The following RIMS4 variants were observed in gnomAD, a reference collection of about 807,000 sequenced individuals.
RIMS4 encodes the protein regulating synaptic membrane exocytosis 4.
RIMS4 carries 9 observed loss-of-function variants against 29.0 expected under a neutral mutation model. That is an observed-to-expected ratio of 0.31 (90% CI 0.19 to 0.54). The LOEUF (loss-of-function observed/expected upper bound fraction) is 0.54. Among genes scored for constraint, RIMS4 ranks in the 20% least tolerant of loss-of-function variants. The pLI is 0.94. For synonymous variants in RIMS4, 130 were observed against 152.9 expected, an observed-to-expected ratio of 0.85 and a Z score of 1.10; for missense variants, 193 against 365.7, an observed-to-expected ratio of 0.53 and a Z score of 3.85.
chr20:44,780,895 G>A (rs557873446), intron 1 of RIMS4, among the ~76,000 whole-genome samples: 24 of 152,316 alleles, frequency 1.6e-4, no homozygotes, highest in African/African-American at 5.1e-4. Flanking sequence ...AAGGATTTGA[G>A]AACCCTAGAG....
At chr20:44,808,720 C>T (rs1426965564) in intron 1 of RIMS4, among the ~76,000 whole-genome samples, 3 of 152,204 alleles carry the variant, frequency 2.0e-5, no homozygotes, top group Non-Finnish European at 2.9e-5. Flanking sequence ...GGGGATCTGC[C>T]TCACCTATCC....
chr20:44,764,123 CATCCATCCATCCATTTAT>C (rs2066099912), intron 2 of RIMS4, among the ~76,000 whole-genome samples: 15 of 151,086 alleles, frequency 9.9e-5, no homozygotes, highest in South Asian at 2.1e-4. Flanking sequence ...TTTATCCATC[CATCCATCCATCCATTTAT>C]GCATCCATTT....
intron 1 of RIMS4, among the ~76,000 whole-genome samples, chr20:44,801,025 G>A (rs2066275495): frequency 6.6e-6 from 1 of 152,144 alleles, no homozygotes; most frequent in South Asian, 2.1e-4. Flanking sequence ...TCTTCTATGT[G>A]TTGTACATAC....
At chr20:44,806,821 AAT>A (rs1168916775) in intron 1 of RIMS4, among the ~76,000 whole-genome samples, 1 of 152,162 alleles carries the variant, frequency 6.6e-6, no homozygotes, top group Non-Finnish European at 1.5e-5. Flanking sequence ...TGGATGAATT[AAT>A]ATGTCTGTGC....
At chr20:44,808,884 G>T (rs2066310480) in intron 1 of RIMS4, among the ~76,000 whole-genome samples, 1 of 152,162 alleles carries the variant, frequency 6.6e-6, no homozygotes, top group South Asian at 2.1e-4. Flanking sequence ...TCCTAAAACC[G>T]TAGGCTACAT....
At chr20:44,802,698 C>A (rs928436353) in intron 1 of RIMS4, among the ~76,000 whole-genome samples, 2 of 152,220 alleles carry the variant, frequency 1.3e-5, no homozygotes, top group African/African-American at 4.8e-5. Context: ...GGCATGAGTT[C>A]TTGGCCTCTC....
At chr20:44,803,258 T>C (rs978290712) in intron 1 of RIMS4, among the ~76,000 whole-genome samples, 1 of 152,166 alleles carries the variant, frequency 6.6e-6, no homozygotes, top group African/African-American at 2.4e-5. Flanking sequence ...AATGAACAAA[T>C]ACCAGAAAAG....
chr20:44,751,924 G>C lies in RIMS4; in HGVS notation c.*4210C>G, dbSNP rs187948313. On this transcript the variant is annotated 3_prime_UTR_variant, in exon 6 of 6. Coordinates refer to ENST00000372851, the MANE Select transcript of RIMS4 (RefSeq NM_182970.4). Reference sequence around the variant, plus strand: ...ACCCTCCCTCCCTAAAGGCCTGGGCGGCTGCTGCTCCAAGAGAGGGAATGA... The same window carrying C: ...ACCCTCCCTCCCTAAAGGCCTGGGCCGCTGCTGCTCCAAGAGAGGGAATGA... The C allele has an allele frequency of 2.0e-5, 3 of 152,266 alleles. No homozygotes were observed. The highest frequency in any genetic ancestry group is 4.4e-5 in the Non-Finnish European group (3 of 68,106). The allele number at this position is 152,266 out of a possible 1,614,324, so 9.4% of individuals were successfully genotyped here. A position where few individuals can be genotyped will look rare whatever the true frequency, so the allele number is the denominator to read the frequency against.
rs776100679 is a variant in RIMS4, at chr20:44,757,696, G to A, written c.425C>T (p.Ala142Val). ...VDIIQARGLT[A>V]KPGSKTLPAA... The stretch of plus-strand genomic sequence containing the variant: ...TGGCAGTGTCTTGGAGCCTGGCTTG[G>A]CTGTCAGTCCCCGAGCCTGGATAAT... The change falls in exon 4 of 6, where the codon GCC (alanine) becomes GTC (valine). Residue 142 changes from alanine to valine, a missense_variant. By Grantham distance (64) the Ala-to-Val change is moderately conservative. Coordinates refer to ENST00000372851, the MANE Select transcript of RIMS4 (RefSeq NM_182970.4). 8.7e-6 allele frequency: 14 copies of A among 1,613,948 alleles called. No individual in the cohort carries two copies. The highest frequency in any genetic ancestry group is 1.1e-5 in the Non-Finnish European group (13 of 1,179,962).
intron 1 of RIMS4, among the ~76,000 whole-genome samples, chr20:44,805,799 G>A (rs545745945): frequency 6.6e-6 from 1 of 152,038 alleles, no homozygotes; most frequent in Non-Finnish European, 1.5e-5. Flanking sequence ...ACTCCAGTGA[G>A]GTCATTCCAG....
Position 44,756,412 on chromosome 20 carries a change from C to T in RIMS4, c.592-60G>A. On this transcript the variant is annotated intron_variant, in intron 5 of 5. Transcript: ENST00000372851. This position sits in a 1 kb window ranked among gnomAD's most constrained non-coding sequence, Gnocchi z 5.9. ...CCAGTGCCACTCACAGGCCCAGAAG[C>T]AGAACCTGGGTCGCCCCATGCCCAA... 1 of 1,483,466 alleles carries T rather than the reference C, an allele frequency of 6.7e-7. No individual in the cohort carries two copies. 91.9% of individuals were successfully genotyped at this position (1,483,466 alleles called of 1,614,324 possible).
At position 44,810,516 on chromosome 20, in the gene RIMS4, TGGCGGCGGC is replaced by T. The variant is rs1223557917; in HGVS notation, c.-254_-246del. Reference sequence around the variant, plus strand: ...CTGGCGGCGGCGGCGGCGGCGGCGGTGGCGGCGGCGGTGGCGGCGCAGCGCGCTCTGGTC... The same window carrying T: ...CTGGCGGCGGCGGCGGCGGCGGCGGTGGTGGCGGCGCAGCGCGCTCTGGTC... On this transcript the variant is annotated 5_prime_UTR_variant, in exon 1 of 6. Coordinates refer to ENST00000372851, the MANE Select transcript of RIMS4 (RefSeq NM_182970.4). Among the ~76,000 whole-genome samples, 1 of 137,580 alleles carries T rather than the reference TGGCGGCGGC, an allele frequency of 7.3e-6. No homozygotes were observed. The highest frequency in any genetic ancestry group is 1.6e-5 in the Non-Finnish European group (1 of 63,454). 90.3% of individuals were successfully genotyped at this position (137,580 alleles called of 152,430 possible). A position where few individuals can be genotyped will look rare whatever the true frequency, so the allele number is the denominator to read the frequency against.
At chr20:44,759,360 C>T (rs1386429985) in intron 2 of RIMS4, among the ~76,000 whole-genome samples, 3 of 152,090 alleles carry the variant, frequency 2.0e-5, no homozygotes, top group East Asian at 1.9e-4. Context: ...AGCGTTTAAG[C>T]AATTCTCATG....
chr20:44,788,997 C>A lies in RIMS4; in HGVS notation c.98-17584G>T, dbSNP rs183870654. On this transcript the variant is annotated intron_variant, in intron 1 of 5. Transcript: ENST00000372851. ...AAATTACTATGAAGTGAATGCCTTA[C>A]GGCTGCACTGCACCCAACCACACTT... Among the ~76,000 whole-genome samples the A allele has an allele frequency of 1.7e-3, 259 of 152,148 alleles. 1 individual carries two copies. Among genetic ancestry groups the A allele is most frequent in the Middle Eastern group, 0.01 (3 of 294 alleles).
At chr20:44,792,771 C>T (rs1177774343) in intron 1 of RIMS4, among the ~76,000 whole-genome samples, 1 of 152,160 alleles carries the variant, frequency 6.6e-6, no homozygotes, top group Non-Finnish European at 1.5e-5. Context: ...ATATTACTAT[C>T]ATAATGAGAA....
intron 2 of RIMS4, among the ~76,000 whole-genome samples, chr20:44,762,730 T>G (rs1043358803): frequency 1.3e-5 from 2 of 152,114 alleles, no homozygotes; most frequent in African/African-American, 4.8e-5. Flanking sequence ...CACGTCCTCC[T>G]GGGGGCTGGA....
At chr20:44,781,142 A>T (rs752496079) in intron 1 of RIMS4, among the ~76,000 whole-genome samples, 2 of 152,184 alleles carry the variant, frequency 1.3e-5, no homozygotes, top group Non-Finnish European at 2.9e-5. Context: ...CATGAAACAG[A>T]TAAGTAATTA....
intron 1 of RIMS4, among the ~76,000 whole-genome samples, chr20:44,792,647 T>C (rs1412093436): frequency 6.6e-6 from 1 of 152,168 alleles, no homozygotes; most frequent in Non-Finnish European, 1.5e-5. Context: ...TTCTGAGCTT[T>C]AGTTTCCTCA....
chr20:44,788,749 A>C (rs907017345), intron 1 of RIMS4, among the ~76,000 whole-genome samples: 2 of 152,064 alleles, frequency 1.3e-5, no homozygotes, highest in Admixed American at 1.3e-4. Flanking sequence ...GTGACAGAGA[A>C]AGACCCTGTC....
Sources: gnomAD v4.1 joint callset for allele counts (sites outside exome capture counted in the v4.1 genomes callset) on GRCh38, gnomAD v4.1.1 for gene constraint, Gnocchi (gnomAD v3.1) non-coding constraint, MANE v1.5 for transcripts, NCBI Gene and HGNC (gene_info 2026-07-23, HGNC 2026-07-21) for gene names.